The following CNTNAP2 variants were observed in gnomAD, a reference collection of about 807,000 sequenced individuals.
CNTNAP2 encodes the protein contactin-associated protein-like 2.
In CNTNAP2, 98 loss-of-function variants were observed where a neutral mutation model predicts 155.2. The ratio of observed to expected loss-of-function variants is 0.63; its 90% CI spans 0.54 to 0.75. The LOEUF (loss-of-function observed/expected upper bound fraction) is 0.75. Ranked by LOEUF, CNTNAP2 falls within the 30% of genes least tolerant of loss-of-function variation. The pLI is 0.00. For missense variants in CNTNAP2, 1,727 were observed against 1,688.1 expected (o/e 1.02, Z -0.40); for synonymous variants, 651 against 631.2 (o/e 1.03, Z -0.47).
intron 1 of CNTNAP2, among the ~76,000 whole-genome samples, chr7:146,553,255 C>A (rs1798147599): frequency 6.6e-6 from 1 of 151,936 alleles, no homozygotes; most frequent in Non-Finnish European, 1.5e-5. Context: ...ATATTTATGT[C>A]TATTCTTGAA....
intron 3 of CNTNAP2, among the ~76,000 whole-genome samples, chr7:146,898,295 A>G (rs1795919213): frequency 6.6e-6 from 1 of 152,114 alleles, no homozygotes; most frequent in South Asian, 2.1e-4. Flanking sequence ...AAATTTTAAA[A>G]ATAGTTTTAT....
At chr7:146,372,558 A>C (rs887922522) in intron 1 of CNTNAP2, among the ~76,000 whole-genome samples, 1 of 152,224 alleles carries the variant, frequency 6.6e-6, no homozygotes, top group Non-Finnish European at 1.5e-5. Context: ...AACCAATTTT[A>C]ATTTCTAAGA....
intron 1 of CNTNAP2, among the ~76,000 whole-genome samples, chr7:146,325,504 A>G (rs542301431): frequency 1.3e-5 from 2 of 152,260 alleles, no homozygotes; most frequent in South Asian, 4.1e-4. Context: ...CCTGTTTTAC[A>G]TATGTTTTTA....
intron 1 of CNTNAP2, among the ~76,000 whole-genome samples, chr7:146,755,155 A>G (rs1407034341): frequency 2.6e-5 from 4 of 151,988 alleles, no homozygotes. Flanking sequence ...CTGTAAACCT[A>G]TAAGCTCCAA....
Position 147,909,463 on chromosome 7 carries a change from G to A in CNTNAP2, c.2255+5742G>A, listed in dbSNP as rs150903725. 3.3e-3 allele frequency among the ~76,000 whole-genome samples: 509 copies of A among 152,184 alleles called. 1 individual carries two copies. The highest frequency in any genetic ancestry group is 0.012 in the African/African-American group (484 of 41,520). ...GAGATTGCAGCTCAGAGCATGATTG[G>A]GTCTCACAACGAAGCTGCAATGGCC... On this transcript the variant is annotated intron_variant, in intron 14 of 23. Coordinates refer to ENST00000361727, the MANE Select transcript of CNTNAP2 (RefSeq NM_014141.6).
chr7:148,222,295 T>C (rs1795760875), intron 19 of CNTNAP2, among the ~76,000 whole-genome samples: 1 of 152,234 alleles, frequency 6.6e-6, no homozygotes, highest in Non-Finnish European at 1.5e-5. Flanking sequence ...CTTATAGTTA[T>C]GGAGGCTAAG....
chr7:146,654,178 A>G (rs909806004), intron 1 of CNTNAP2, among the ~76,000 whole-genome samples: 17 of 152,038 alleles, frequency 1.1e-4, no homozygotes, highest in African/African-American at 4.1e-4. Context: ...GTCCTTGCAC[A>G]TAAACATTTG....
intron 9 of CNTNAP2, among the ~76,000 whole-genome samples, chr7:147,312,498 G>A (rs1382420813): frequency 2.3e-5 from 3 of 129,182 alleles, no homozygotes; most frequent in African/African-American, 9.6e-5. Flanking sequence ...ACCTATGAGT[G>A]AGAACGTGTG....
At chr7:147,577,736 G>GA (rs991881335) in intron 12 of CNTNAP2, among the ~76,000 whole-genome samples, 39 of 151,070 alleles carry the variant, frequency 2.6e-4, no homozygotes, top group African/African-American at 8.7e-4. Flanking sequence ...TGAGATCAGA[G>GA]AAAAAAAATG....
At chr7:147,117,283 G>T (rs1225242619) in intron 5 of CNTNAP2, among the ~76,000 whole-genome samples, 1 of 152,082 alleles carries the variant, frequency 6.6e-6, no homozygotes, top group Admixed American at 6.5e-5. Context: ...CCAAGGCTCT[G>T]GTGTCATGGG....
intron 2 of CNTNAP2, among the ~76,000 whole-genome samples, chr7:146,803,040 A>C (rs1479543358): frequency 6.6e-6 from 1 of 152,142 alleles, no homozygotes; most frequent in African/African-American, 2.4e-5. Flanking sequence ...TAAATAAATA[A>C]ATAAGTCTTA....
intron 9 of CNTNAP2, among the ~76,000 whole-genome samples, chr7:147,340,482 C>T (rs1795742246): frequency 6.6e-6 from 1 of 152,018 alleles, no homozygotes. Context: ...TCAGCCAGTA[C>T]CCAGGCTTCT....
rs147171156 is a variant in CNTNAP2 at position 146,423,710 on chromosome 7, A to G, written c.97+306737A>G. ...TCCAAGTGAGTCTTCTAGGCATGGT[A>G]TTCCTTTACACTTAGCATTTATTTT... On this transcript the variant is annotated intron_variant, in intron 1 of 23. Transcript: ENST00000361727. Among the ~76,000 whole-genome samples, 290 of 152,324 alleles carry G rather than the reference A, an allele frequency of 1.9e-3. 1 individual carries two copies. Among genetic ancestry groups the G allele is most frequent in the African/African-American group, 6.2e-3 (258 of 41,590 alleles).
chr7:146,674,503 A>G (rs1012092002), intron 1 of CNTNAP2, among the ~76,000 whole-genome samples: 3 of 152,082 alleles, frequency 2.0e-5, no homozygotes, highest in African/African-American at 4.8e-5. Context: ...GGTGGAGGAA[A>G]AAAAAAATTA....
intron 13 of CNTNAP2, among the ~76,000 whole-genome samples, chr7:147,872,624 G>A (rs1037652464): frequency 1.3e-5 from 2 of 152,010 alleles, no homozygotes; most frequent in African/African-American, 2.4e-5. Context: ...TTCATGAATC[G>A]TCACAAAATG....
At chr7:146,646,961 A>C (rs956036251) in intron 1 of CNTNAP2, among the ~76,000 whole-genome samples, 1 of 152,206 alleles carries the variant, frequency 6.6e-6, no homozygotes, top group African/African-American at 2.4e-5. Context: ...CCCTGGAGAG[A>C]AACAATGGGC....
intron 13 of CNTNAP2, among the ~76,000 whole-genome samples, chr7:147,757,109 G>A (rs1343607071): frequency 6.6e-6 from 1 of 152,126 alleles, no homozygotes; most frequent in Non-Finnish European, 1.5e-5. Context: ...ATGGACACAA[G>A]CAAGGGGACA....
intron 1 of CNTNAP2, among the ~76,000 whole-genome samples, chr7:146,219,740 G>C (rs1327028323): frequency 6.6e-6 from 1 of 152,168 alleles, no homozygotes; most frequent in East Asian, 1.9e-4. Context: ...GCTTTCCAAA[G>C]AATGTTTTAA....
intron 8 of CNTNAP2, among the ~76,000 whole-genome samples, chr7:147,244,557 T>C (rs1475085286): frequency 1.3e-5 from 2 of 152,160 alleles, no homozygotes; most frequent in African/African-American, 4.8e-5. Context: ...CAGGCACCAG[T>C]TTAGGTCCTG....
Sources: gnomAD v4.1 joint callset for allele counts (sites outside exome capture counted in the v4.1 genomes callset) on GRCh38, gnomAD v4.1.1 for gene constraint, MANE v1.5 for transcripts, NCBI Gene and HGNC (gene_info 2026-07-23, HGNC 2026-07-21) for gene names.